DNHD1: variants seen among roughly 807,000 people sequenced by gnomAD.
DNHD1 encodes the protein dynein heavy chain domain 1.
DNHD1 carries 383 observed loss-of-function variants against 458.1 expected under a neutral mutation model. The ratio of observed to expected loss-of-function variants is 0.84; its 90% confidence interval spans 0.77 to 0.91. The LOEUF is 0.91. DNHD1 is among the 40% of genes least tolerant of loss of function. The pLI is 0.00. For synonymous variants in DNHD1, 2,203 were observed against 2,376.9 expected, an observed-to-expected ratio of 0.93 and a Z score of 2.13; for missense variants, 5,336 against 5,866.1, an observed-to-expected ratio of 0.91 and a Z score of 2.95.
chr11:6,539,857 T>C lies in DNHD1; in HGVS notation c.3421-19T>C. ...GAAGCAGTTACCCAGTCCTGGTTCC[T>C]GAGACCCAGCTGTTCCAGGTCTGGC... On this transcript the variant is annotated intron_variant, in intron 17 of 42. Coordinates refer to ENST00000254579, the MANE Select transcript of DNHD1 (RefSeq NM_144666.3). 2.6e-6 allele frequency: 4 copies of C among 1,551,188 alleles called. No individual in the cohort carries two copies. Among genetic ancestry groups the C allele is most frequent in the Non-Finnish European group, 3.5e-6 (4 of 1,146,484 alleles).
chr11:6,534,754 A>C (rs1294493723), intron 14 of DNHD1, among the ~76,000 whole-genome samples: 1 of 152,156 alleles, frequency 6.6e-6, no homozygotes, highest in South Asian at 2.1e-4. Context: ...CAGAGCAAAT[A>C]TAAGAGCCAT....
At chr11:6,569,853 G>A (rs56100742) in intron 39 of DNHD1, among the ~76,000 whole-genome samples, 156 bp from the exon 40 acceptor site, 19,187 of 152,172 alleles carry the variant, frequency 0.13, 2,308 homozygotes, top group African/African-American at 0.31. Flanking sequence ...TTTTGTGGGG[G>A]GAAATGATGA....
intron 39 of DNHD1, among the ~76,000 whole-genome samples, chr11:6,569,266 G>T (rs199616582): frequency 1.3e-5 from 2 of 152,040 alleles, no homozygotes; most frequent in Admixed American, 1.3e-4. Context: ...GATGGATCAC[G>T]AGGTCAGGAG....
In DNHD1 at chr11:6,539,298, A is replaced by AGAT. The variant is rs1254144116; in HGVS notation, c.3406_3408dup (p.Asp1136dup). ...TTACTTATCCACTGCTGGAGTTTGC[A>AGAT]GATCGAATCAACCAGGTGGGGCCCT... On this transcript the variant is annotated inframe_insertion, in exon 17 of 43. Coordinates refer to ENST00000254579, the MANE Select transcript of DNHD1 (RefSeq NM_144666.3). The AGAT allele has an allele frequency of 3.9e-6, 6 of 1,551,566 alleles. No individual in the cohort carries two copies. The highest frequency in any genetic ancestry group is 5.2e-6 in the Non-Finnish European group (6 of 1,146,908).
Position 6,570,753 on chromosome 11 carries a change from T to C in DNHD1, c.13241T>C (p.Leu4414Ser), listed in dbSNP as rs762787382. ...WLLRRQSRAL[L>S]SALQRSSPVW... ...TTGCGACGCCAGAGTCGCGCTCTCT[T>C]GAGTGCGCTGCAGCGGAGTTCACCC... Residue 4414 changes from leucine (L) to serine (S), a missense_variant, in exon 42 of 43, where the codon TTG (leucine) becomes TCG (serine). Transcript: ENST00000254579. 11 of 1,612,216 alleles carry C rather than the reference T, an allele frequency of 6.8e-6. No homozygotes were observed. The Admixed American group carries it at 1.7e-4, about 25-fold the overall frequency.
chr11:6,539,312 A>G lies in DNHD1; in HGVS notation c.3419A>G (p.Gln1140Arg), dbSNP rs750959963. 6 of 1,550,580 alleles carry G rather than the reference A, an allele frequency of 3.9e-6. No individual in the cohort carries two copies. In the African/African-American group the frequency reaches 6.8e-5, roughly 18 times the overall value. Reference sequence around the variant, plus strand: ...CTGGAGTTTGCAGATCGAATCAACCAGGTGGGGCCCTCAGTACAGGGGCGA... The same window carrying G: ...CTGGAGTTTGCAGATCGAATCAACCGGGTGGGGCCCTCAGTACAGGGGCGA... Reference protein sequence around the residue: ...PLLEFADRINQVWQNENERIH... With the variant: ...PLLEFADRINRVWQNENERIH... Residue 1140 changes from glutamine to arginine, a missense_variant and splice_region_variant, in exon 17 of 43, where the codon CAG becomes CGG. This residue lies in a region of DNHD1 where 3,932 missense variants were observed against 4,365.6 expected (regional missense o/e 0.90). Transcript: ENST00000254579.
At chr11:6,507,547 CA>C (rs1852253031) in intron 4 of DNHD1, among the ~76,000 whole-genome samples, 1 of 151,896 alleles carries the variant, frequency 6.6e-6, no homozygotes, top group Admixed American at 6.6e-5. Context: ...TTTTATACTC[CA>C]AAGGAGTAGT....
At position 6,548,552 on chromosome 11, in the gene DNHD1, C is replaced by G; in HGVS notation, c.7099-93C>G. 6.7e-7 allele frequency: 1 copy of G among 1,483,800 alleles called. No homozygotes were observed. Among genetic ancestry groups the G allele is most frequent in the Non-Finnish European group, 9.1e-7 (1 of 1,099,228 alleles). 91.9% of individuals were successfully genotyped at this position (1,483,800 alleles called of 1,614,324 possible). A position where few individuals can be genotyped will look rare whatever the true frequency, so the allele number is the denominator to read the frequency against. On this transcript the variant is annotated intron_variant, in intron 23 of 42. Coordinates refer to ENST00000254579, the MANE Select transcript of DNHD1 (RefSeq NM_144666.3). This position sits in a 1 kb window ranked among gnomAD's most constrained non-coding sequence, Gnocchi z 4.4. The stretch of plus-strand genomic sequence containing the variant: ...GAATACATGAAATATTTTCCAAGTA[C>G]AGCTCTAGGACAAGTCCCTTAGACT...
rs1310387119 is a variant in DNHD1 at position 6,547,063 on chromosome 11, C to A, written c.6124C>A (p.Leu2042Met). The stretch of plus-strand genomic sequence containing the variant: ...CAGTGGCCTCAGCCCCCAGGAGTTC[C>A]TGGGATGGCTAGAGGGCTCCTGCTG... ...YPSGLSPQEFLGWLEGSCWHH... is the reference protein window; with the variant it reads ...YPSGLSPQEFMGWLEGSCWHH... Residue 2042 changes from leucine to methionine, a missense_variant, in exon 21 of 43, where the codon CTG becomes ATG. By Grantham distance (15) the Leu-to-Met change is conservative. This residue lies in a region of DNHD1 where 3,932 missense variants were observed against 4,365.6 expected (regional missense o/e 0.90). Coordinates refer to ENST00000254579, the MANE Select transcript of DNHD1 (RefSeq NM_144666.3). 4 of 1,551,722 alleles carry A rather than the reference C, an allele frequency of 2.6e-6. No individual in the cohort carries two copies. The South Asian group carries it at 4.8e-5, about 18-fold the overall frequency.
intron 14 of DNHD1, among the ~76,000 whole-genome samples, chr11:6,536,883 A>T (rs1270930011): frequency 6.6e-6 from 1 of 152,222 alleles, no homozygotes; most frequent in East Asian, 1.9e-4. Context: ...GACTCTAGCC[A>T]TATCTTTGAG....
Position 6,558,975 on chromosome 11 carries a change from G to T in DNHD1, c.9285G>T (p.Ser3095=). The change falls in exon 27 of 43, where the codon TCG becomes TCT. Residue 3095 remains serine (S), a synonymous_variant. Transcript: ENST00000254579. ...AAGCCATGGCTCTTATCCACCTTTC[G>T]GCCACCCACTACCATGAGCACCTGT... is the stretch of plus-strand genomic sequence containing the variant. ...VAKAMALIHL[S]ATHYHEHLCP... 1 of 1,551,444 alleles carries T rather than the reference G, an allele frequency of 6.4e-7. No individual in the cohort carries two copies. Among genetic ancestry groups the T allele is most frequent in the Non-Finnish European group, 8.7e-7 (1 of 1,146,956 alleles).
intron 16 of DNHD1, 49 bp from the exon 17 acceptor site, chr11:6,539,170 A>C (rs1853034615): frequency 7.7e-7 from 1 of 1,301,394 alleles, no homozygotes; most frequent in South Asian, 1.3e-5. Flanking sequence ...TATGGGTTGG[A>C]CTCTGCCACA....
In DNHD1 at chr11:6,539,116, G is replaced by T. The variant is rs1385957673; in HGVS notation, c.3326-103G>T. 5 of 779,198 alleles carry T rather than the reference G, an allele frequency of 6.4e-6. No individual in the cohort carries two copies. The South Asian group carries it at 6.6e-5, about 10-fold the overall frequency. 48.3% of individuals were successfully genotyped at this position (779,198 alleles called of 1,614,324 possible). A position where few individuals can be genotyped will look rare whatever the true frequency, so the allele number is the denominator to read the frequency against. On this transcript the variant is annotated intron_variant, in intron 16 of 42. Transcript: ENST00000254579. ...GTTGTGCTCTGAGATCTGCTATCTG[G>T]GGTCTGAGCTGGGCTGGGCTGGGCT... is the stretch of plus-strand genomic sequence containing the variant.
At chr11:6,559,933 G>A (rs181974607) in intron 28 of DNHD1, among the ~76,000 whole-genome samples, 3 of 151,970 alleles carry the variant, frequency 2.0e-5, no homozygotes, top group South Asian at 2.1e-4. Context: ...TTCCTTTAGC[G>A]CTCCCTTCTA....
Position 6,557,275 on chromosome 11 carries a change from C to G in DNHD1, c.7980C>G (p.Asp2660Glu), listed in dbSNP as rs747959177. The G allele has an allele frequency of 1.7e-5, 26 of 1,551,554 alleles. No individual in the cohort carries two copies. Among genetic ancestry groups the G allele is most frequent in the Non-Finnish European group, 2.2e-5 (25 of 1,146,996 alleles). Residue 2660 changes from aspartate to glutamate, a missense_variant, in exon 25 of 43, where the codon GAC becomes GAG. This residue lies in a region of DNHD1 where 3,932 missense variants were observed against 4,365.6 expected (regional missense o/e 0.90). Transcript: ENST00000254579. ...EAQRTFCDRL[D>E]SPRERSYCAK... The stretch of plus-strand genomic sequence containing the variant: ...AGAGAACCTTTTGCGACCGGCTGGA[C>G]AGCCCCAGGGAACGCTCCTACTGTG...
At chr11:6,536,346 TA>T (rs1197622087) in intron 14 of DNHD1, among the ~76,000 whole-genome samples, 22 of 152,218 alleles carry the variant, frequency 1.4e-4, no homozygotes, top group Non-Finnish European at 1.5e-5. Flanking sequence ...GACAGTAGAT[TA>T]AAATATTGTA....
chr11:6,508,964 T>C lies in DNHD1; in HGVS notation c.1005T>C (p.His335=), dbSNP rs775956138. ...IFSPFGILHV[H]PVEGSETMTL... is the part of the protein sequence containing the mutation. ...CTCCCTTTGGGATCTTGCATGTACA[T>C]CCTGTGGAAGGTAGCGAGACGATGA... is the stretch of plus-strand genomic sequence containing the variant. Residue 335 remains histidine, a synonymous_variant, in exon 5 of 43, where the codon CAT becomes CAC. Transcript: ENST00000254579. 1.2e-6 allele frequency: 2 copies of C among 1,614,084 alleles called. No individual in the cohort carries two copies. Among genetic ancestry groups the C allele is most frequent in the Non-Finnish European group, 1.7e-6 (2 of 1,180,048 alleles).
chr11:6,506,154 T>C (rs1188555513), intron 4 of DNHD1, among the ~76,000 whole-genome samples: 1 of 152,202 alleles, frequency 6.6e-6, no homozygotes, highest in Non-Finnish European at 1.5e-5. Flanking sequence ...GAGGGACCTC[T>C]CAATTCCTCT....
rs774819523 is a variant in DNHD1, at chr11:6,544,677, G to C, written c.3852+6G>C. 6.4e-7 allele frequency: 1 copy of C among 1,550,972 alleles called. No homozygotes were observed. The highest frequency in any genetic ancestry group is 2.4e-5 in the East Asian group (1 of 40,916). ...AGTTTCCTAATGCTGACCTGGTAGG[G>C]AAGGGGGTTGAGGCAGAGAGGGCAA... On this transcript the variant is annotated splice_donor_region_variant and intron_variant, in intron 20 of 42. Transcript: ENST00000254579.
Sources: gnomAD v4.1 joint callset for allele counts (sites outside exome capture counted in the v4.1 genomes callset) on GRCh38, gnomAD v4.1.1 for gene constraint, gnomAD v4.1.1 regional missense constraint, Gnocchi (gnomAD v3.1) non-coding constraint, MANE v1.5 for transcripts, NCBI Gene and HGNC (gene_info 2026-07-23, HGNC 2026-07-21) for gene names.